Variants in RAP1GAP2 observed in about 807,000 individuals in gnomAD.
The protein encoded by RAP1GAP2 is RAP1 GTPase activating protein 2, also known as rap1 GTPase-activating protein 2.
In RAP1GAP2, 27 loss-of-function variants were observed where a neutral mutation model predicts 95.0. The observed-to-expected ratio is 0.28, with a 90% confidence interval of 0.21 to 0.39. RAP1GAP2 has a LOEUF of 0.39. RAP1GAP2 is among the 10% of genes least tolerant of loss of function. The pLI is 1.00. For missense variants in RAP1GAP2, 771 were observed against 970.0 expected (o/e 0.79, Z 2.72); for synonymous variants, 373 against 380.9 (o/e 0.98, Z 0.24).
chr17:2,817,012 G>A (rs1472321572), intron 2 of RAP1GAP2, among the ~76,000 whole-genome samples: 4 of 99,796 alleles, frequency 4.0e-5, no homozygotes, highest in African/African-American at 1.3e-4. Flanking sequence ...TTTTGAGATG[G>A]GGTCTTGCTC....
intron 1 of RAP1GAP2, among the ~76,000 whole-genome samples, chr17:2,778,274 G>GAGGGAT (rs2068554354): frequency 6.6e-6 from 1 of 151,480 alleles, no homozygotes; most frequent in Non-Finnish European, 1.5e-5. Flanking sequence ...AGTAGTTGGA[G>GAGGGAT]AGGGATGGGG....
intron 3 of RAP1GAP2, among the ~76,000 whole-genome samples, chr17:2,952,258 T>C (rs567493663): frequency 6.6e-6 from 1 of 152,348 alleles, no homozygotes; most frequent in South Asian, 2.1e-4. Context: ...CACTTAGCAA[T>C]GCACTGTGAA....
intron 3 of RAP1GAP2, among the ~76,000 whole-genome samples, chr17:2,931,038 C>G (rs1187579032): frequency 6.9e-6 from 1 of 145,972 alleles, no homozygotes; most frequent in South Asian, 2.2e-4. Context: ...AGGAGAATCG[C>G]TTGAACCTGG....
At position 3,037,185 on chromosome 17, in the gene RAP1GAP2, G is replaced by A. The variant is rs947806812; in HGVS notation, c.*3824G>A. ...GCTGGACCGTGTGCCCCTTTGGGAG[G>A]AAGAAGACAAGCCCCACTAGGGCCA... On this transcript the variant is annotated 3_prime_UTR_variant, in exon 25 of 25. Coordinates refer to ENST00000254695, the MANE Select transcript of RAP1GAP2 (RefSeq NM_015085.5). 6.5e-6 allele frequency: 1 copy of A among 152,674 alleles called. No homozygotes were observed. The highest frequency in any genetic ancestry group is 1.5e-5 in the Non-Finnish European group (1 of 68,102). The allele number at this position is 152,674 out of a possible 1,614,324, so 9.5% of individuals were successfully genotyped here.
chr17:2,802,541 C>T (rs866475503), intron 2 of RAP1GAP2, among the ~76,000 whole-genome samples: 3 of 152,130 alleles, frequency 2.0e-5, no homozygotes, highest in Non-Finnish European at 4.4e-5. Flanking sequence ...GAAACCCTAT[C>T]TCTGCTAAAA....
At chr17:2,828,234 G>A (rs892526260) in intron 2 of RAP1GAP2, among the ~76,000 whole-genome samples, 2 of 151,986 alleles carry the variant, frequency 1.3e-5, no homozygotes, top group African/African-American at 4.8e-5. Context: ...CCAGCTACTC[G>A]GGAGGCTGAG....
intron 2 of RAP1GAP2, among the ~76,000 whole-genome samples, chr17:2,810,743 C>T (rs1272982964): frequency 1.3e-5 from 2 of 151,992 alleles, no homozygotes; most frequent in African/African-American, 4.8e-5. Context: ...GTTGGTCAGG[C>T]TGGTCGCAAA....
chr17:2,771,703 T>A (rs2151436109), intron 2 of RAP1GAP2, among the ~76,000 whole-genome samples: 1 of 152,220 alleles, frequency 6.6e-6, no homozygotes, highest in South Asian at 2.1e-4. Flanking sequence ...TTGGCCAGGC[T>A]GGTCTTGAAT....
intron 2 of RAP1GAP2, among the ~76,000 whole-genome samples, chr17:2,848,794 G>A (rs1270848372): frequency 8.5e-5 from 13 of 152,174 alleles, no homozygotes; most frequent in African/African-American, 3.1e-4. Flanking sequence ...GATTACAGGC[G>A]TGAGCCACCG....
intron 13 of RAP1GAP2, among the ~76,000 whole-genome samples, chr17:2,997,840 T>C (rs1259732359): frequency 4.0e-5 from 6 of 151,126 alleles, no homozygotes. Flanking sequence ...GGAGAATCAC[T>C]TGAACCCAGG....
At chr17:2,800,210 G>A (rs2069225661) in intron 1 of RAP1GAP2, 1 of 985,410 alleles carries the variant, frequency 1.0e-6, no homozygotes, top group Non-Finnish European at 1.2e-6. Flanking sequence ...ACGATCCCTG[G>A]ACCTGACGTG....
At chr17:2,900,590 C>T (rs1284314295) in intron 2 of RAP1GAP2, among the ~76,000 whole-genome samples, 1 of 151,950 alleles carries the variant, frequency 6.6e-6, no homozygotes, top group African/African-American at 2.4e-5. Context: ...TACAGGCACC[C>T]GCCACCACGC....
rs1043122568 is a variant in RAP1GAP2, at chr17:2,865,927, G to A, written c.81-39357G>A. 3.9e-5 allele frequency among the ~76,000 whole-genome samples: 6 copies of A among 152,202 alleles called. No homozygotes were observed. The East Asian group carries it at 5.8e-4, about 15-fold the overall frequency. On this transcript the variant is annotated intron_variant, in intron 2 of 24. Coordinates refer to ENST00000254695, the MANE Select transcript of RAP1GAP2 (RefSeq NM_015085.5). ...TCCTTAAATGGATTGTGTCCCAAAC[G>A]TTCATTCACTCATTCAGTTCACCTC...
At position 3,029,541 on chromosome 17, in the gene RAP1GAP2, T is replaced by G. The variant is rs1044282526; in HGVS notation, c.2108-1381T>G. Among the ~76,000 whole-genome samples, 9 of 151,996 alleles carry G rather than the reference T, an allele frequency of 5.9e-5. No individual in the cohort carries two copies. Among genetic ancestry groups the G allele is most frequent in the Non-Finnish European group, 7.4e-5 (5 of 68,000 alleles). ...GGTGGCCTGACGTCCTGACGTACAG[T>G]CTCCATAATGTCAGATATCTGATCA... On this transcript the variant is annotated intron_variant, in intron 22 of 24. Transcript: ENST00000254695. The surrounding 1 kb of genome is among the most constrained non-coding windows in gnomAD (Gnocchi z 4.4).
intron 2 of RAP1GAP2, among the ~76,000 whole-genome samples, chr17:2,885,245 G>T (rs2151679590): frequency 6.6e-6 from 1 of 152,166 alleles, no homozygotes; most frequent in South Asian, 2.1e-4. Flanking sequence ...TGTTGGCCAG[G>T]CTGGTCTCGA....
At chr17:2,805,064 A>T (rs1032873716) in intron 2 of RAP1GAP2, among the ~76,000 whole-genome samples, 18 of 152,164 alleles carry the variant, frequency 1.2e-4, no homozygotes, top group African/African-American at 3.6e-4. Context: ...TGTGCATTAC[A>T]TCCCTGACTC....
In RAP1GAP2 at chr17:2,857,080, G is replaced by A. The variant is rs1018892523; in HGVS notation, c.81-48204G>A. Among the ~76,000 whole-genome samples the A allele has an allele frequency of 1.8e-4, 28 of 152,190 alleles. No homozygotes were observed. Among genetic ancestry groups the A allele is most frequent in the Non-Finnish European group, 1.0e-4 (7 of 68,030 alleles). Reference sequence around the variant, plus strand: ...GCATCCCCCATACTCCATGCTGGGCGTTACATTTGATGAGCTCTTCCTTCC... The same window carrying A: ...GCATCCCCCATACTCCATGCTGGGCATTACATTTGATGAGCTCTTCCTTCC... On this transcript the variant is annotated intron_variant, in intron 2 of 24. Transcript: ENST00000254695. The surrounding 1 kb of genome is among the most constrained non-coding windows in gnomAD (Gnocchi z 4.0).
At position 2,957,969 on chromosome 17, in the gene RAP1GAP2, C is replaced by T. The variant is rs1407979700; in HGVS notation, c.201+175C>T. On this transcript the variant is annotated intron_variant, in intron 4 of 24. Transcript: ENST00000254695. ...GAGGCCATTTTGCTGTTGAGGGGTACGGAGCACTTTGGGAAGACTCCTGCG... is the reference window on the plus strand; with the variant it reads ...GAGGCCATTTTGCTGTTGAGGGGTATGGAGCACTTTGGGAAGACTCCTGCG... 6.6e-5 allele frequency among the ~76,000 whole-genome samples: 10 copies of T among 152,094 alleles called. No homozygotes were observed. In the East Asian group the frequency reaches 1.7e-3, roughly 27 times the overall value.
At chr17:2,777,417 G>T (rs117114811) in intron 1 of RAP1GAP2, 17 of 152,350 alleles carry the variant, frequency 1.1e-4, no homozygotes, top group Non-Finnish European at 2.3e-4. Context: ...GAGCTAGGGA[G>T]GTGGGCTGCC....
Sources: allele counts gnomAD v4.1 joint callset (sites outside exome capture counted in the v4.1 genomes callset), GRCh38; gene constraint gnomAD v4.1.1; non-coding constraint Gnocchi (gnomAD v3.1); transcripts MANE v1.5; gene names NCBI Gene and HGNC (gene_info 2026-07-23, HGNC 2026-07-21).